Variants in LRRC7 observed in about 807,000 individuals in gnomAD.
LRRC7 encodes the protein leucine-rich repeat-containing protein 7.
A neutral mutation model predicts 175.7 loss-of-function variants in LRRC7; 23 were observed. The ratio of observed to expected loss-of-function variants is 0.13; its 90% CI spans 0.09 to 0.19. LRRC7 has a LOEUF of 0.19. Ranked by LOEUF, LRRC7 falls within the 10% of genes least tolerant of loss-of-function variation. LRRC7 has a pLI of 1.00. For missense variants in LRRC7, 1,354 were observed against 1,904.7 expected (o/e 0.71, Z 5.38); for synonymous variants, 685 against 680.9 (o/e 1.01, Z -0.09).
chr1:69,876,191 A>G (rs965977004), intron 7 of LRRC7, among the ~76,000 whole-genome samples: 13 of 152,104 alleles, frequency 8.5e-5, no homozygotes, highest in Admixed American at 3.3e-4. Context: ...TCTACCAGCC[A>G]TATTTTTTGT....
At position 69,673,040 on chromosome 1, in the gene LRRC7, A is replaced by G. The variant is rs140168367; in HGVS notation, c.3-5341A>G. ...ATAGACAACTTTATCACCTGAATGA[A>G]TTCAATGGACTTGTCTTCCCTACAA... is the stretch of plus-strand genomic sequence containing the variant. On this transcript the variant is annotated intron_variant, in intron 1 of 26. Transcript: ENST00000651989. Among the ~76,000 whole-genome samples the G allele has an allele frequency of 2.7e-3, 414 of 152,298 alleles. 7 individuals carry two copies. Among genetic ancestry groups the G allele is most frequent in the Admixed American group, 0.027 (406 of 15,280 alleles).
At chr1:69,691,440 A>G (rs1244784625) in intron 2 of LRRC7, among the ~76,000 whole-genome samples, 1 of 152,170 alleles carries the variant, frequency 6.6e-6, no homozygotes, top group Non-Finnish European at 1.5e-5. Context: ...CATTAAGCAC[A>G]GCATTTGGTA....
At chr1:70,054,297 G>A (rs2102065973) in intron 23 of LRRC7, among the ~76,000 whole-genome samples, 1 of 152,248 alleles carries the variant, frequency 6.6e-6, no homozygotes, top group Non-Finnish European at 1.5e-5. Flanking sequence ...ACAATAATGT[G>A]TATTAACTTT....
chr1:70,051,089 A>G (rs1227571176), intron 22 of LRRC7, among the ~76,000 whole-genome samples: 3 of 152,060 alleles, frequency 2.0e-5, no homozygotes, highest in African/African-American at 7.2e-5. Flanking sequence ...CACCTACACC[A>G]TTATATTAGG....
chr1:69,659,567 T>C (rs1657147377), intron 1 of LRRC7, among the ~76,000 whole-genome samples: 2 of 149,506 alleles, frequency 1.3e-5, no homozygotes, highest in Admixed American at 1.3e-4. Context: ...TAATAACTGA[T>C]ATCTCAACAG....
At chr1:70,058,542 G>C (rs948134628) in intron 23 of LRRC7, among the ~76,000 whole-genome samples, 1 of 152,060 alleles carries the variant, frequency 6.6e-6, no homozygotes, top group East Asian at 1.9e-4. Context: ...ACAGTCTATC[G>C]GATTATGCCA....
At chr1:69,902,481 G>A (rs1360805963) in intron 7 of LRRC7, among the ~76,000 whole-genome samples, 1 of 152,132 alleles carries the variant, frequency 6.6e-6, no homozygotes, top group Non-Finnish European at 1.5e-5. Flanking sequence ...TGAGGCACAA[G>A]AATTGCTTGA....
Position 69,753,318 on chromosome 1 carries a change from G to GTA in LRRC7, c.101-6872_101-6871insAT, listed in dbSNP as rs1161331949. 1.1e-3 allele frequency among the ~76,000 whole-genome samples: 173 copies of GTA among 151,484 alleles called. 2 individuals carry two copies. The highest frequency in any genetic ancestry group is 1.9e-3 in the Non-Finnish European group (130 of 67,756). ...TGTATGTGTGTGTGTGTGTGTGTGT[G>GTA]TGTGTGTTAGAACTACTTCTGGTAA... On this transcript the variant is annotated intron_variant, in intron 2 of 26. Transcript: ENST00000651989.
At chr1:69,642,996 G>C (rs1654464851) in intron 1 of LRRC7, among the ~76,000 whole-genome samples, 1 of 152,074 alleles carries the variant, frequency 6.6e-6, no homozygotes, top group Admixed American at 6.6e-5. Flanking sequence ...TAGAACCAGG[G>C]GAGCTGATGG....
chr1:69,618,725 T>C (rs957076443), intron 1 of LRRC7, among the ~76,000 whole-genome samples: 1 of 152,150 alleles, frequency 6.6e-6, no homozygotes, highest in Non-Finnish European at 1.5e-5. Context: ...AAAACAGCAA[T>C]AACAACTAAC....
chr1:69,590,959 GTAT>G (rs886260034), intron 1 of LRRC7, among the ~76,000 whole-genome samples: 22 of 152,162 alleles, frequency 1.4e-4, no homozygotes, highest in South Asian at 8.3e-4. Flanking sequence ...TCAGAGACAA[GTAT>G]TATTATTACT....
At chr1:69,691,148 G>A (rs180820753) in intron 2 of LRRC7, among the ~76,000 whole-genome samples, 8 of 152,220 alleles carry the variant, frequency 5.3e-5, no homozygotes, top group Admixed American at 5.2e-4. Flanking sequence ...CAGGTCAGAG[G>A]GCAAGCTGGC....
At chr1:70,104,220 A>C (rs1370667713) in intron 25 of LRRC7, among the ~76,000 whole-genome samples, 3 of 152,228 alleles carry the variant, frequency 2.0e-5, no homozygotes, top group African/African-American at 7.2e-5. Flanking sequence ...TCAGTGCCAA[A>C]GTATTCTTTA....
At chr1:69,893,977 G>A (rs1249779167) in intron 7 of LRRC7, among the ~76,000 whole-genome samples, 1 of 152,286 alleles carries the variant, frequency 6.6e-6, no homozygotes, top group East Asian at 1.9e-4. Flanking sequence ...GCTACTGAAT[G>A]TCAAGACATG....
chr1:69,628,314 A>T (rs1461596577), intron 1 of LRRC7, among the ~76,000 whole-genome samples: 3 of 152,158 alleles, frequency 2.0e-5, no homozygotes, highest in African/African-American at 7.2e-5. Context: ...CACAAAAGTC[A>T]GTTGCTTTTT....
At chr1:69,575,003 C>T (rs1289735653) in intron 1 of LRRC7, among the ~76,000 whole-genome samples, 2 of 152,138 alleles carry the variant, frequency 1.3e-5, no homozygotes, top group African/African-American at 4.8e-5. Context: ...ACACCACACA[C>T]ATACACATAC....
intron 1 of LRRC7, among the ~76,000 whole-genome samples, chr1:69,612,773 A>G (rs890261860): frequency 2.0e-5 from 3 of 152,112 alleles, no homozygotes; most frequent in Admixed American, 6.6e-5. Flanking sequence ...ATACCTATAT[A>G]GTCGTTTTTA....
chr1:69,717,288 A>C (rs1665477416), intron 2 of LRRC7, among the ~76,000 whole-genome samples: 1 of 151,730 alleles, frequency 6.6e-6, no homozygotes, highest in Admixed American at 6.6e-5. Context: ...ATTGTGTTTC[A>C]ATTGCTTAGC....
intron 1 of LRRC7, among the ~76,000 whole-genome samples, chr1:69,588,115 T>C (rs1348940676): frequency 6.6e-6 from 1 of 152,214 alleles, no homozygotes; most frequent in Non-Finnish European, 1.5e-5. Flanking sequence ...ATGAAGGCTT[T>C]CTATACCTTC....
Sources: gnomAD v4.1 joint callset for allele counts (sites outside exome capture counted in the v4.1 genomes callset) on GRCh38, gnomAD v4.1.1 for gene constraint, MANE v1.5 for transcripts, NCBI Gene and HGNC (gene_info 2026-07-23, HGNC 2026-07-21) for gene names.